TANC1: variants seen among roughly 807,000 people sequenced by gnomAD.
TANC1 encodes tetratricopeptide repeat, ankyrin repeat and coiled-coil containing 1, also known as protein TANC1.
In TANC1, 77 loss-of-function variants were observed where a neutral mutation model predicts 149.7. The ratio of observed to expected loss-of-function variants is 0.51; its 90% CI spans 0.43 to 0.62. The LOEUF is 0.62. Among genes scored for constraint, TANC1 ranks in the 20% least tolerant of loss-of-function variants. The pLI, the probability that TANC1 is intolerant of heterozygous loss-of-function variation, is 0.00. For synonymous variants in TANC1, 854 were observed against 925.0 expected (o/e 0.92, Z 1.39); for missense variants, 1,985 against 2,321.8 (o/e 0.85, Z 2.98).
chr2:158,980,454 T>C (rs772861805), intron 1 of TANC1, among the ~76,000 whole-genome samples: 1 of 152,130 alleles, frequency 6.6e-6, no homozygotes, highest in Non-Finnish European at 1.5e-5. Context: ...ATTATCACTT[T>C]TAATACAATT....
chr2:159,106,692 G>A (rs2047216472), intron 4 of TANC1, among the ~76,000 whole-genome samples: 1 of 152,148 alleles, frequency 6.6e-6, no homozygotes, highest in East Asian at 1.9e-4. Flanking sequence ...TATACCTAGT[G>A]AAATTGTTGA....
chr2:159,051,993 G>T (rs1426290940), intron 2 of TANC1, among the ~76,000 whole-genome samples: 1 of 152,160 alleles, frequency 6.6e-6, no homozygotes, highest in Non-Finnish European at 1.5e-5. Flanking sequence ...GGCATCCCCT[G>T]ATTTAGGGCA....
At chr2:159,143,093 A>AAAAC (rs372532404) in intron 5 of TANC1, among the ~76,000 whole-genome samples, 33,517 of 146,320 alleles carry the variant, frequency 0.23, 5,023 homozygotes, top group Non-Finnish European at 0.34. Context: ...AAAACAAAAC[A>AAAAC]AAAAAAAACA....
At chr2:159,165,957 T>A (rs1396454271) in intron 8 of TANC1, among the ~76,000 whole-genome samples, 1 of 152,164 alleles carries the variant, frequency 6.6e-6, no homozygotes, top group Non-Finnish European at 1.5e-5. Flanking sequence ...CAGTGACAGG[T>A]TTTTTTATTT....
At chr2:159,132,655 A>ATT (rs35719354) in intron 4 of TANC1, among the ~76,000 whole-genome samples, 76 of 127,250 alleles carry the variant, frequency 6.0e-4, no homozygotes, top group African/African-American at 1.5e-3. Context: ...CACCCAGCTA[A>ATT]TTTTTTTTTT....
At chr2:159,098,767 A>G (rs1156377098) in intron 4 of TANC1, among the ~76,000 whole-genome samples, 1 of 152,188 alleles carries the variant, frequency 6.6e-6, no homozygotes, top group Non-Finnish European at 1.5e-5. Flanking sequence ...TTGAGAGGTT[A>G]TGATTCACAT....
chr2:159,091,900 C>T (rs1175267104), intron 3 of TANC1, among the ~76,000 whole-genome samples: 1 of 149,898 alleles, frequency 6.7e-6, no homozygotes, highest in Non-Finnish European at 1.5e-5. Context: ...TTGTAGTCTT[C>T]TGAAGGGTCC....
intron 1 of TANC1, among the ~76,000 whole-genome samples, chr2:158,980,546 G>T (rs1168474796): frequency 6.6e-6 from 1 of 152,160 alleles, no homozygotes; most frequent in Non-Finnish European, 1.5e-5. Context: ...GGAGGCCGAA[G>T]TGGGCAGATC....
At chr2:158,972,719 A>G (rs1366930646) in intron 1 of TANC1, among the ~76,000 whole-genome samples, 1 of 152,210 alleles carries the variant, frequency 6.6e-6, no homozygotes, top group African/African-American at 2.4e-5. Context: ...CTCAATAAGA[A>G]GATGTATCAG....
chr2:159,003,846 T>C (rs998964575), intron 2 of TANC1: 29 of 1,608,176 alleles, frequency 1.8e-5, no homozygotes, highest in Admixed American at 8.3e-5. Context: ...ACCAACAGCA[T>C]GAATCAAGAA....
At chr2:159,105,882 T>C (rs1441597842) in intron 4 of TANC1, among the ~76,000 whole-genome samples, 2 of 152,312 alleles carry the variant, frequency 1.3e-5, no homozygotes, top group South Asian at 2.1e-4. Flanking sequence ...TTCTTTGTGA[T>C]AGTTGTCCTT....
At chr2:158,990,681 T>C (rs1423086856) in intron 1 of TANC1, among the ~76,000 whole-genome samples, 1 of 152,136 alleles carries the variant, frequency 6.6e-6, no homozygotes, top group Admixed American at 6.6e-5. Context: ...GGGGGTTGGC[T>C]GGATGGAACA....
At chr2:159,218,884 C>T (rs763101156) in intron 20 of TANC1, among the ~76,000 whole-genome samples, 6 of 152,192 alleles carry the variant, frequency 3.9e-5, no homozygotes, top group Admixed American at 1.3e-4. Context: ...ACCCCATGAC[C>T]GCTGCTCGCC....
intron 19 of TANC1, among the ~76,000 whole-genome samples, chr2:159,211,591 T>C (rs1157879159): frequency 6.6e-6 from 1 of 152,188 alleles, no homozygotes; most frequent in African/African-American, 2.4e-5. Context: ...TAGCCATGGT[T>C]CTGTTTGCTT....
rs189969550 is a variant in TANC1, at chr2:159,060,062, T to C, written c.-15-5834T>C. The C allele has an allele frequency of 1.9e-4, 171 of 919,320 alleles. 1 individual carries two copies. In the African/African-American group the frequency reaches 2.7e-3, roughly 15 times the overall value. 56.9% of individuals were successfully genotyped at this position (919,320 alleles called of 1,614,324 possible). ...ACCACCACCACTTTCTTGTTGCTAATATGAAGAACAGTTCTAAAGGTGTTA... is the reference window on the plus strand; with the variant it reads ...ACCACCACCACTTTCTTGTTGCTAACATGAAGAACAGTTCTAAAGGTGTTA... On this transcript the variant is annotated intron_variant, in intron 2 of 26. Transcript: ENST00000263635.
In TANC1 at chr2:158,991,116, G is replaced by T. The variant is rs1289295298; in HGVS notation, c.-125-9964G>T. 1.0e-4 allele frequency among the ~76,000 whole-genome samples: 12 copies of T among 118,428 alleles called. No individual in the cohort carries two copies. In the East Asian group the frequency reaches 2.3e-3, roughly 22 times the overall value. The allele number at this position is 118,428 out of a possible 152,430, so 77.7% of individuals were successfully genotyped here. ...CAAAAAAAAAAAAAAAAAAAAAAAAGTAGAAAAAACAGCAGGGCTAGAGAT... is the reference window on the plus strand; with the variant it reads ...CAAAAAAAAAAAAAAAAAAAAAAAATTAGAAAAAACAGCAGGGCTAGAGAT... On this transcript the variant is annotated intron_variant, in intron 1 of 26. Transcript: ENST00000263635.
Position 159,231,110 on chromosome 2 carries a change from AT to A in TANC1, c.*106del, listed in dbSNP as rs940158200. ...TCATCAGAAAAATTATTTTTTAGCC[AT>A]TTTTTTTCTTTGGGGTGGATCTGAT... On this transcript the variant is annotated 3_prime_UTR_variant, in exon 27 of 27. Coordinates refer to ENST00000263635, the MANE Select transcript of TANC1 (RefSeq NM_033394.3). The A allele has an allele frequency of 2.8e-5, 30 of 1,080,190 alleles. No homozygotes were observed. Among genetic ancestry groups the A allele is most frequent in the African/African-American group, 4.8e-5 (3 of 62,516 alleles). 66.9% of individuals were successfully genotyped at this position (1,080,190 alleles called of 1,614,324 possible).
intron 2 of TANC1, among the ~76,000 whole-genome samples, chr2:159,017,739 G>A (rs577516631): frequency 1.3e-5 from 2 of 151,886 alleles, no homozygotes; most frequent in East Asian, 3.9e-4. Flanking sequence ...GAGAGCATTA[G>A]GACAAATACC....
At chr2:159,084,028 G>A (rs1465940449) in intron 3 of TANC1, among the ~76,000 whole-genome samples, 1 of 152,196 alleles carries the variant, frequency 6.6e-6, no homozygotes, top group East Asian at 1.9e-4. Flanking sequence ...GAGGCGGGCG[G>A]ATCATGAGGT....
Sources: gnomAD v4.1 joint callset for allele counts (sites outside exome capture counted in the v4.1 genomes callset) on GRCh38, gnomAD v4.1.1 for gene constraint, MANE v1.5 for transcripts, NCBI Gene and HGNC (gene_info 2026-07-23, HGNC 2026-07-21) for gene names.